GABBR2: variants seen among roughly 807,000 people sequenced by gnomAD.
GABBR2 encodes the protein G-protein coupled receptor 51.
GABBR2 carries 23 observed loss-of-function variants against 105.6 expected under a neutral mutation model. That is an observed-to-expected ratio of 0.22 (90% CI 0.16 to 0.31). GABBR2 has a LOEUF of 0.31. GABBR2 is among the 10% of genes least tolerant of loss of function. GABBR2 has a pLI of 1.00. For missense variants in GABBR2, 734 were observed against 1,245.5 expected, an observed-to-expected ratio of 0.59 and a Z score of 6.18; for synonymous variants, 478 against 499.7, an observed-to-expected ratio of 0.96 and a Z score of 0.58.
At chr9:98,571,690 T>G (rs1828833439) in intron 2 of GABBR2, among the ~76,000 whole-genome samples, 1 of 152,176 alleles carries the variant, frequency 6.6e-6, no homozygotes, top group Non-Finnish European at 1.5e-5. Flanking sequence ...CTATGCCTAC[T>G]CTGTGTATTA....
chr9:98,610,600 G>C (rs1204167022), intron 1 of GABBR2, among the ~76,000 whole-genome samples: 1 of 152,304 alleles, frequency 6.6e-6, no homozygotes, highest in East Asian at 1.9e-4. Flanking sequence ...ACAGGCAGAA[G>C]AGAGAAGACA....
At chr9:98,545,765 G>A (rs1564110379) in intron 2 of GABBR2, among the ~76,000 whole-genome samples, 1 of 152,100 alleles carries the variant, frequency 6.6e-6, no homozygotes, top group African/African-American at 2.4e-5. Flanking sequence ...ACTTGAACCC[G>A]GGTCTATAGG....
At chr9:98,571,303 C>T (rs529488274) in intron 2 of GABBR2, among the ~76,000 whole-genome samples, 1 of 152,316 alleles carries the variant, frequency 6.6e-6, no homozygotes, top group East Asian at 1.9e-4. Flanking sequence ...CTGTGAGCTT[C>T]ATCCTAGCGG....
chr9:98,490,038 A>G (rs373791861), intron 4 of GABBR2, among the ~76,000 whole-genome samples: 34 of 152,292 alleles, frequency 2.2e-4, no homozygotes, highest in African/African-American at 8.2e-4. Flanking sequence ...GGTTGCAGTG[A>G]GCCGAGATCG....
At chr9:98,434,568 G>A (rs1027299591) in intron 7 of GABBR2, among the ~76,000 whole-genome samples, 2 of 152,200 alleles carry the variant, frequency 1.3e-5, no homozygotes, top group African/African-American at 4.8e-5. Context: ...AGAATAAGAA[G>A]TTGGGAAGAG....
At chr9:98,392,719 C>A (rs1832203304) in intron 9 of GABBR2, among the ~76,000 whole-genome samples, 1 of 152,150 alleles carries the variant, frequency 6.6e-6, no homozygotes, top group Non-Finnish European at 1.5e-5. Context: ...TTCTGCTGAC[C>A]CACTGGAATC....
intron 7 of GABBR2, among the ~76,000 whole-genome samples, chr9:98,415,569 T>G (rs1832675462): frequency 6.6e-6 from 1 of 152,240 alleles, no homozygotes. Flanking sequence ...CAGGCTTCCC[T>G]CGGCAAAACG....
At chr9:98,683,876 C>T (rs997079253) in intron 1 of GABBR2, among the ~76,000 whole-genome samples, 54 of 151,284 alleles carry the variant, frequency 3.6e-4, no homozygotes, top group Non-Finnish European at 7.2e-4. Context: ...GGCGTGGTGG[C>T]GGGCGCCTGT....
intron 1 of GABBR2, among the ~76,000 whole-genome samples, chr9:98,695,679 A>G (rs943382018): frequency 1.2e-4 from 18 of 151,888 alleles, no homozygotes; most frequent in African/African-American, 4.4e-4. Flanking sequence ...CCTGTGCTCA[A>G]TGCTTTACAT....
chr9:98,651,307 C>A (rs1830102073), intron 1 of GABBR2, among the ~76,000 whole-genome samples: 1 of 152,008 alleles, frequency 6.6e-6, no homozygotes, highest in Non-Finnish European at 1.5e-5. Context: ...CCACGCCCAG[C>A]TAATTTTTTT....
intron 7 of GABBR2, among the ~76,000 whole-genome samples, chr9:98,412,158 G>A (rs1239323030): frequency 6.6e-6 from 1 of 152,214 alleles, no homozygotes; most frequent in Non-Finnish European, 1.5e-5. Context: ...AACAAGATCT[G>A]GTGTAGGGTC....
intron 3 of GABBR2, among the ~76,000 whole-genome samples, chr9:98,520,498 T>C (rs1827846978): frequency 6.6e-6 from 1 of 152,078 alleles, no homozygotes; most frequent in African/African-American, 2.4e-5. Flanking sequence ...TGGCAAATTG[T>C]GTGATGTGCT....
chr9:98,310,956 T>C, intron 14 of GABBR2, 139 bp downstream of exon 14: 1 of 588,428 alleles, frequency 1.7e-6, no homozygotes, highest in Non-Finnish European at 3.1e-6. Flanking sequence ...AGATAGCATG[T>C]GGCAGGCACT....
intron 12 of GABBR2, among the ~76,000 whole-genome samples, chr9:98,370,425 C>T (rs1831758080): frequency 6.6e-6 from 1 of 152,160 alleles, no homozygotes; most frequent in Non-Finnish European, 1.5e-5. Flanking sequence ...CCAATGCCAG[C>T]TCTGAGCAAG....
chr9:98,362,525 A>C, intron 13 of GABBR2, 190 bp downstream of exon 13: 1 of 358,912 alleles, frequency 2.8e-6, no homozygotes. Context: ...TATTAATATT[A>C]AAATCAACTT....
intron 7 of GABBR2, among the ~76,000 whole-genome samples, chr9:98,413,056 C>T (rs970530212): frequency 1.3e-5 from 2 of 152,192 alleles, no homozygotes; most frequent in African/African-American, 4.8e-5. Flanking sequence ...AATGCCTTTT[C>T]CCCAATTGGA....
At chr9:98,665,114 T>A (rs1830316275) in intron 1 of GABBR2, among the ~76,000 whole-genome samples, 1 of 151,554 alleles carries the variant, frequency 6.6e-6, no homozygotes, top group Non-Finnish European at 1.5e-5. Context: ...ATAAAATTTT[T>A]AAAAATTAGC....
intron 2 of GABBR2, among the ~76,000 whole-genome samples, chr9:98,561,256 A>C (rs1278509222): frequency 6.6e-6 from 1 of 150,758 alleles, no homozygotes; most frequent in Non-Finnish European, 1.5e-5. Flanking sequence ...TAAACACTTT[A>C]AAGATATTAA....
chr9:98,671,451 C>A (rs1372993813), intron 1 of GABBR2, among the ~76,000 whole-genome samples: 1 of 152,196 alleles, frequency 6.6e-6, no homozygotes, highest in African/African-American at 2.4e-5. Context: ...AATAATGCTG[C>A]TATGAACATG....
Sources: gnomAD v4.1 joint callset for allele counts (sites outside exome capture counted in the v4.1 genomes callset) on GRCh38, gnomAD v4.1.1 for gene constraint, MANE v1.5 for transcripts, NCBI Gene and HGNC (gene_info 2026-07-23, HGNC 2026-07-21) for gene names.